The following TTLL1 variants were observed in gnomAD, a reference collection of about 807,000 sequenced individuals.
The protein encoded by TTLL1 is polyglutamylase complex subunit TTLL1.
TTLL1 carries 33 observed loss-of-function variants against 47.8 expected under a neutral mutation model. The ratio of observed to expected loss-of-function variants is 0.69; its 90% CI spans 0.52 to 0.92. TTLL1 has a LOEUF of 0.92. Ranked by LOEUF, TTLL1 falls within the 40% of genes least tolerant of loss-of-function variation. The pLI, the probability that TTLL1 is intolerant of heterozygous loss-of-function variation, is 0.00. For synonymous variants in TTLL1, 225 were observed against 214.1 expected (o/e 1.05, Z -0.45); for missense variants, 488 against 547.5 (o/e 0.89, Z 1.08).
intron 1 of TTLL1, among the ~76,000 whole-genome samples, chr22:43,080,901 A>ACTTTTT (rs1569448779): frequency 2.2e-5 from 1 of 46,192 alleles, no homozygotes; most frequent in Admixed American, 3.0e-4. Context: ...GTGTTGCATG[A>ACTTTTT]CTTTTTTTTT....
At chr22:43,080,935 T>TTTTTTTTTG (rs1400698764) in intron 1 of TTLL1, among the ~76,000 whole-genome samples, 2 of 136,034 alleles carry the variant, frequency 1.5e-5, no homozygotes. Flanking sequence ...TTTTTTTTTT[T>TTTTTTTTTG]AGACAAAGTC....
chr22:43,066,103 G>A (rs1927715252), intron 5 of TTLL1, among the ~76,000 whole-genome samples: 1 of 150,204 alleles, frequency 6.7e-6, no homozygotes, highest in Admixed American at 6.7e-5. Flanking sequence ...AGGTTGCAGT[G>A]AGCTGAGATC....
intron 8 of TTLL1, among the ~76,000 whole-genome samples, chr22:43,053,247 T>A (rs1164428692): frequency 6.6e-6 from 1 of 152,012 alleles, no homozygotes; most frequent in Non-Finnish European, 1.5e-5. Context: ...GGAGGTCTTG[T>A]CACACGATAG....
chr22:43,068,517 G>A lies in TTLL1; in HGVS notation c.396C>T (p.Ser132=), dbSNP rs1011678488. ...LFVEEFRKSP[S]STWIMKPCGK... is the part of the protein sequence containing the mutation. The stretch of plus-strand genomic sequence containing the variant: ...CACAAGGCTTCATGATCCAGGTGCT[G>A]GACGGGCTCTTCCGGAACTCCTCTA... The change falls in exon 5 of 11, where the codon TCC becomes TCT. Residue 132 remains serine, a synonymous_variant. Transcript: ENST00000266254. 3 of 1,572,540 alleles carry A rather than the reference G, an allele frequency of 1.9e-6. No homozygotes were observed. Among genetic ancestry groups the A allele is most frequent in the African/African-American group, 2.7e-5 (2 of 74,290 alleles).
intron 8 of TTLL1, among the ~76,000 whole-genome samples, chr22:43,053,917 G>A (rs1569420704): frequency 6.6e-6 from 1 of 152,174 alleles, no homozygotes; most frequent in South Asian, 2.1e-4. Context: ...GGCTGGGGAG[G>A]GAGGGAGAGC....
intron 1 of TTLL1, among the ~76,000 whole-genome samples, chr22:43,083,668 C>T (rs975200837): frequency 5.3e-5 from 8 of 152,136 alleles, no homozygotes; most frequent in Non-Finnish European, 1.0e-4. Flanking sequence ...GCGGAGACAG[C>T]GGTGAGCCAA....
chr22:43,072,025 G>A (rs1928156747), intron 3 of TTLL1, among the ~76,000 whole-genome samples: 1 of 152,190 alleles, frequency 6.6e-6, no homozygotes, highest in South Asian at 2.1e-4. Context: ...CTGGGCCCAG[G>A]CATGTATGAT....
intron 3 of TTLL1, among the ~76,000 whole-genome samples, chr22:43,071,279 C>G (rs2146982944): frequency 6.6e-6 from 1 of 152,244 alleles, no homozygotes; most frequent in South Asian, 2.1e-4. Context: ...GCCTCAAGAA[C>G]AGTTCATACA....
At chr22:43,069,973 G>C (rs911726198) in intron 3 of TTLL1, 129 bp from the exon 4 acceptor site, 3 of 1,424,964 alleles carry the variant, frequency 2.1e-6, no homozygotes, top group Non-Finnish European at 1.9e-6. Flanking sequence ...CCTGGCACCT[G>C]AGCCAGGGGT....
At chr22:43,042,127 A>G (rs181697003) in intron 10 of TTLL1, among the ~76,000 whole-genome samples, 2 of 152,248 alleles carry the variant, frequency 1.3e-5, no homozygotes, top group East Asian at 3.9e-4. Context: ...TTCCCTGGCC[A>G]GGGGGCTGCA....
intron 9 of TTLL1, 90 bp downstream of exon 9, chr22:43,051,709 TGG>T (rs1926634333): frequency 1.7e-6 from 2 of 1,208,690 alleles, no homozygotes; most frequent in Non-Finnish European, 2.5e-6. Context: ...GAGAAACATC[TGG>T]GGCCTGGGGG....
intron 5 of TTLL1, among the ~76,000 whole-genome samples, chr22:43,067,237 G>A (rs911053384): frequency 6.6e-6 from 1 of 152,134 alleles, no homozygotes; most frequent in Non-Finnish European, 1.5e-5. Context: ...GGCTGTGCCC[G>A]GCTCCTCCCA....
At chr22:43,054,946 G>A (rs535168269) in intron 8 of TTLL1, among the ~76,000 whole-genome samples, 1 of 150,694 alleles carries the variant, frequency 6.6e-6, no homozygotes, top group African/African-American at 2.4e-5. Context: ...GGATGGTCTT[G>A]ATCTTCTGAC....
chr22:43,069,220 C>CAAAAAAAAAAAA (rs66913313), intron 4 of TTLL1, among the ~76,000 whole-genome samples: 1 of 80,394 alleles, frequency 1.2e-5, no homozygotes, highest in African/African-American at 3.8e-5. Flanking sequence ...ACTAAAAATA[C>CAAAAAAAAAAAA]AAAAAAAAAA....
At chr22:43,063,987 C>G (rs1449698851) in intron 6 of TTLL1, 66 bp from the exon 7 acceptor site, 2 of 1,551,720 alleles carry the variant, frequency 1.3e-6, no homozygotes, top group Non-Finnish European at 1.8e-6. Context: ...CCACTTCATT[C>G]TCTAAAAAGA....
intron 10 of TTLL1, among the ~76,000 whole-genome samples, chr22:43,040,628 T>C (rs987629653): frequency 3.3e-5 from 5 of 152,158 alleles, no homozygotes; most frequent in African/African-American, 9.6e-5. Context: ...GTATTTTTAG[T>C]AGAGACAGGG....
At chr22:43,072,726 C>T (rs950282781) in intron 3 of TTLL1, among the ~76,000 whole-genome samples, 1 of 152,202 alleles carries the variant, frequency 6.6e-6, no homozygotes, top group Admixed American at 6.5e-5. Context: ...TCTGCCTCCA[C>T]CTCCCAAAAG....
intron 1 of TTLL1, among the ~76,000 whole-genome samples, chr22:43,084,326 T>C (rs1929088162): frequency 6.7e-6 from 1 of 150,370 alleles, no homozygotes; most frequent in South Asian, 2.1e-4. Context: ...AATTGTGTAT[T>C]TTTAGTAGAG....
Position 43,089,320 on chromosome 22 carries a change from G to C in TTLL1, c.-133C>G, listed in dbSNP as rs967560572. On this transcript the variant is annotated 5_prime_UTR_variant, in exon 1 of 11. Transcript: ENST00000266254. The stretch of plus-strand genomic sequence containing the variant: ...GAGGGACTCGGAGGAGCGCCCTGCA[G>C]GGATGCCTCGAGCCGCGCCCTCGCC... 1 of 152,274 alleles carries C rather than the reference G, an allele frequency of 6.6e-6. No homozygotes were observed. Among genetic ancestry groups the C allele is most frequent in the Non-Finnish European group, 1.5e-5 (1 of 68,128 alleles). 9.4% of individuals were successfully genotyped at this position (152,274 alleles called of 1,614,324 possible). A position where few individuals can be genotyped will look rare whatever the true frequency, so the allele number is the denominator to read the frequency against.
Sources: allele counts gnomAD v4.1 joint callset (sites outside exome capture counted in the v4.1 genomes callset), GRCh38; gene constraint gnomAD v4.1.1; transcripts MANE v1.5; gene names NCBI Gene and HGNC (gene_info 2026-07-23, HGNC 2026-07-21).